Variants in NSUN3 observed in about 807,000 individuals in gnomAD.
NSUN3 encodes the protein tRNA (cytosine(34)-C(5))-methyltransferase, mitochondrial.
NSUN3 carries 24 observed loss-of-function variants against 36.8 expected under a neutral mutation model. The ratio of observed to expected loss-of-function variants is 0.65; its 90% CI spans 0.47 to 0.92. The LOEUF (loss-of-function observed/expected upper bound fraction) is 0.92, where lower values mean the gene tolerates loss of function less well. Among genes scored for constraint, NSUN3 ranks in the 40% least tolerant of loss-of-function variants. The pLI, the probability that NSUN3 is intolerant of heterozygous loss-of-function variation, is 0.00. For missense variants in NSUN3, 381 were observed against 392.8 expected (o/e 0.97, Z 0.25); for synonymous variants, 146 against 145.2 (o/e 1.01, Z -0.04).
intron 3 of NSUN3, among the ~76,000 whole-genome samples, chr3:94,088,889 G>A (rs1449034843): frequency 2.0e-5 from 3 of 152,016 alleles, no homozygotes; most frequent in Non-Finnish European, 4.4e-5. Context: ...GGCTGGTCTC[G>A]AGCTCCTGAC....
intron 3 of NSUN3, 137 bp downstream of exon 3, chr3:94,084,587 A>G (rs964131896): frequency 6.6e-6 from 4 of 601,730 alleles, no homozygotes; most frequent in East Asian, 2.9e-5. Flanking sequence ...TGCTATGGAG[A>G]AGAATGGAAA....
rs1351923282 is a variant in NSUN3, at chr3:94,130,471, T to C, written c.*3981T>C. 3.3e-5 allele frequency among the ~76,000 whole-genome samples: 5 copies of C among 152,194 alleles called. No homozygotes were observed. Among genetic ancestry groups the C allele is most frequent in the Non-Finnish European group, 7.3e-5 (5 of 68,030 alleles). ...CTGAAAATAACAAAAACCCAGGACA[T>C]TTTTGGAAATTGTATGCTCTCTAGC... On this transcript the variant is annotated 3_prime_UTR_variant, in exon 6 of 6. Coordinates refer to ENST00000314622, the MANE Select transcript of NSUN3 (RefSeq NM_022072.5).
chr3:94,074,085 G>A (rs1050589879), intron 2 of NSUN3, among the ~76,000 whole-genome samples: 2 of 152,084 alleles, frequency 1.3e-5, no homozygotes, highest in Non-Finnish European at 1.5e-5. Context: ...GTTTTTGTCA[G>A]GTTTGCCAAA....
At chr3:94,121,746 ATGAG>A (rs1560042501) in intron 5 of NSUN3, among the ~76,000 whole-genome samples, 4 of 152,240 alleles carry the variant, frequency 2.6e-5, no homozygotes, top group Non-Finnish European at 4.4e-5. Flanking sequence ...AAATGAATAC[ATGAG>A]ATGTATAGAA....
rs968416063 is a variant in NSUN3, at chr3:94,130,505, G to A, written c.*4015G>A. On this transcript the variant is annotated 3_prime_UTR_variant, in exon 6 of 6. Transcript: ENST00000314622. ...ATTGTATGCTCTCTAGCAACTTTGC[G>A]TGAATTTTTATACAAACACTTATGA... is the stretch of plus-strand genomic sequence containing the variant. Among the ~76,000 whole-genome samples, 11 of 152,166 alleles carry A rather than the reference G, an allele frequency of 7.2e-5. No homozygotes were observed. The highest frequency in any genetic ancestry group is 1.3e-4 in the Admixed American group (2 of 15,280).
chr3:94,069,020 T>C (rs2077215558), intron 2 of NSUN3, among the ~76,000 whole-genome samples: 1 of 152,228 alleles, frequency 6.6e-6, no homozygotes, highest in African/African-American at 2.4e-5. Context: ...GATAGGTATC[T>C]TGTAGTTGTG....
chr3:94,087,742 C>T (rs928155617), intron 3 of NSUN3, among the ~76,000 whole-genome samples: 5 of 152,158 alleles, frequency 3.3e-5, no homozygotes, highest in Non-Finnish European at 4.4e-5. Context: ...GCGATCTTGG[C>T]TCACTGCAGC....
chr3:94,070,599 A>G (rs1406895559), intron 2 of NSUN3, among the ~76,000 whole-genome samples: 1 of 152,212 alleles, frequency 6.6e-6, no homozygotes, highest in Non-Finnish European at 1.5e-5. Flanking sequence ...ACTTTCATGT[A>G]TTCTCTTTCA....
intron 5 of NSUN3, among the ~76,000 whole-genome samples, chr3:94,118,816 C>CTTTTTATGTGG: frequency 6.6e-6 from 1 of 151,888 alleles, no homozygotes; most frequent in South Asian, 2.1e-4. Flanking sequence ...GTGGTCAGTA[C>CTTTTTATGTGG]CACAGCTTTG....
At position 94,081,273 on chromosome 3, in the gene NSUN3, G is replaced by A. The variant is rs549857550; in HGVS notation, c.123-2834G>A. 2.0e-5 allele frequency among the ~76,000 whole-genome samples: 3 copies of A among 152,262 alleles called. No individual in the cohort carries two copies. In the South Asian group the frequency reaches 6.2e-4, roughly 32 times the overall value. ...AACCAGTCCCAATGAGATGAACCGG[G>A]TCCCTCAGTTGGAAATGCAGAAATC... is the stretch of plus-strand genomic sequence containing the variant. On this transcript the variant is annotated intron_variant, in intron 2 of 5. Coordinates refer to ENST00000314622, the MANE Select transcript of NSUN3 (RefSeq NM_022072.5).
chr3:94,094,049 G>A, intron 3 of NSUN3, 91 bp from the exon 4 acceptor site: 1 of 908,796 alleles, frequency 1.1e-6, no homozygotes, highest in Non-Finnish European at 1.6e-6. Context: ...ATTATGATGA[G>A]TTAATTTCTT....
chr3:94,105,894 T>C (rs1190376866), intron 5 of NSUN3, among the ~76,000 whole-genome samples: 1 of 151,612 alleles, frequency 6.6e-6, no homozygotes, highest in South Asian at 2.1e-4. Context: ...TTTTTTTTTT[T>C]CATTTGTATG....
At chr3:94,113,283 A>C (rs2077425563) in intron 5 of NSUN3, among the ~76,000 whole-genome samples, 1 of 152,214 alleles carries the variant, frequency 6.6e-6, no homozygotes, top group African/African-American at 2.4e-5. Context: ...TAAAAGTATG[A>C]GCTATAGAAC....
intron 5 of NSUN3, among the ~76,000 whole-genome samples, chr3:94,116,037 A>C (rs1209758194): frequency 6.6e-6 from 1 of 152,156 alleles, no homozygotes; most frequent in African/African-American, 2.4e-5. Flanking sequence ...TTAGTTTTTC[A>C]AGATCATTGA....
intron 5 of NSUN3, among the ~76,000 whole-genome samples, chr3:94,124,479 C>A (rs1438516560): frequency 6.6e-6 from 1 of 152,132 alleles, no homozygotes. Flanking sequence ...ATGAAGGCAT[C>A]AGCAAGATTT....
intron 2 of NSUN3, among the ~76,000 whole-genome samples, chr3:94,074,839 G>T (rs1560030075): frequency 6.6e-6 from 1 of 152,058 alleles, no homozygotes; most frequent in Non-Finnish European, 1.5e-5. Flanking sequence ...TTCCAATACT[G>T]TGTTGAATAG....
At chr3:94,103,152 G>T (rs1359665490) in intron 5 of NSUN3, among the ~76,000 whole-genome samples, 1 of 152,036 alleles carries the variant, frequency 6.6e-6, no homozygotes, top group African/African-American at 2.4e-5. Flanking sequence ...CTCCCAAAGT[G>T]CTGGGATTGC....
At chr3:94,102,322 A>G (rs2077369531) in intron 5 of NSUN3, among the ~76,000 whole-genome samples, 1 of 152,108 alleles carries the variant, frequency 6.6e-6, no homozygotes, top group Admixed American at 6.5e-5. Flanking sequence ...CAGTGACCAA[A>G]AAATTGATGT....
chr3:94,103,857 A>G (rs2077375753), intron 5 of NSUN3, among the ~76,000 whole-genome samples: 1 of 152,190 alleles, frequency 6.6e-6, no homozygotes, highest in Non-Finnish European at 1.5e-5. Context: ...ACTCTTTGGG[A>G]AGGAGTTATA....
Sources: allele counts gnomAD v4.1 joint callset (sites outside exome capture counted in the v4.1 genomes callset), GRCh38; gene constraint gnomAD v4.1.1; transcripts MANE v1.5; gene names NCBI Gene and HGNC (gene_info 2026-07-23, HGNC 2026-07-21).